Variants in MCUR1 observed in about 807,000 individuals in gnomAD.
MCUR1 encodes MCU regulator 1.
In MCUR1, 37 loss-of-function variants were observed where a neutral mutation model predicts 42.0. The observed-to-expected ratio is 0.88, with a 90% CI of 0.68 to 1.16. The LOEUF (loss-of-function observed/expected upper bound fraction) is 1.16, where lower values mean the gene tolerates loss of function less well. MCUR1 is among the 50% of genes most tolerant of loss of function. The pLI is 0.00. For missense variants in MCUR1, 469 were observed against 468.4 expected, an observed-to-expected ratio of 1.00 and a Z score of -0.01; for synonymous variants, 229 against 196.2, an observed-to-expected ratio of 1.17 and a Z score of -1.40.
intron 1 of MCUR1, among the ~76,000 whole-genome samples, chr6:13,811,341 A>T (rs1760227579): frequency 6.8e-6 from 1 of 147,478 alleles, no homozygotes; most frequent in South Asian, 2.1e-4. Flanking sequence ...GCTAGGAATA[A>T]TTTTTTTTTT....
At chr6:13,798,005 A>C (rs907223242) in intron 6 of MCUR1, among the ~76,000 whole-genome samples, 1 of 152,032 alleles carries the variant, frequency 6.6e-6, no homozygotes, top group African/African-American at 2.4e-5. Flanking sequence ...CCTCGGCAAC[A>C]CACTGAGACT....
At chr6:13,795,312 T>C (rs1759832334) in intron 6 of MCUR1, among the ~76,000 whole-genome samples, 1 of 152,082 alleles carries the variant, frequency 6.6e-6, no homozygotes, top group African/African-American at 2.4e-5. Flanking sequence ...TGTGCACCAC[T>C]AAACCTCAGT....
chr6:13,799,827 C>CTTTTTTTTTTT, intron 5 of MCUR1, among the ~76,000 whole-genome samples: 1 of 96,210 alleles, frequency 1.0e-5, no homozygotes, highest in Non-Finnish European at 2.0e-5. Flanking sequence ...ACACAATTTT[C>CTTTTTTTTTTT]TTTTTTTTTT....
intron 4 of MCUR1, 60 bp downstream of exon 4, chr6:13,801,228 A>G (rs1759980503): frequency 8.9e-7 from 1 of 1,129,162 alleles, no homozygotes; most frequent in Non-Finnish European, 1.3e-6. Context: ...TTATGTGTAT[A>G]TAATTTATCT....
At chr6:13,805,981 C>T (rs566461936) in intron 2 of MCUR1, among the ~76,000 whole-genome samples, 32 of 152,212 alleles carry the variant, frequency 2.1e-4, no homozygotes, top group African/African-American at 7.0e-4. Context: ...GAGGGCTGGG[C>T]GCGGTGGCTC....
At chr6:13,807,214 T>G (rs919212265) in intron 1 of MCUR1, among the ~76,000 whole-genome samples, 170 bp from the exon 2 acceptor site, 1 of 152,230 alleles carries the variant, frequency 6.6e-6, no homozygotes, top group Admixed American at 6.5e-5. Flanking sequence ...GGTTTTGGCA[T>G]AGAGTTGTGC....
chr6:13,805,457 CTTGT>C (rs1760095366), intron 2 of MCUR1, among the ~76,000 whole-genome samples: 1 of 152,104 alleles, frequency 6.6e-6, no homozygotes, highest in African/African-American at 2.4e-5. Flanking sequence ...TGCGTATTAT[CTTGT>C]TTAATATTCA....
chr6:13,788,593 TAGGTA>T lies in MCUR1; in HGVS notation c.*2211_*2215del, dbSNP rs1170163076. 1 of 152,184 alleles carries T rather than the reference TAGGTA, an allele frequency of 6.6e-6. No individual in the cohort carries two copies. The highest frequency in any genetic ancestry group is 1.5e-5 in the Non-Finnish European group (1 of 68,022). 9.4% of individuals were successfully genotyped at this position (152,184 alleles called of 1,614,324 possible). On this transcript the variant is annotated 3_prime_UTR_variant, in exon 9 of 9. Transcript: ENST00000379170. ...TCACTGTTTTTAACCCACACAAGGT[TAGGTA>T]ATGTTTACCTTGAAACATAATCGCA... is the stretch of plus-strand genomic sequence containing the variant.
intron 6 of MCUR1, among the ~76,000 whole-genome samples, chr6:13,798,239 G>A (rs559689105): frequency 2.6e-5 from 4 of 151,250 alleles, no homozygotes; most frequent in South Asian, 4.2e-4. Flanking sequence ...GGGATTACAG[G>A]TGCCCGCCAC....
chr6:13,810,158 G>A (rs377669380), intron 1 of MCUR1, among the ~76,000 whole-genome samples: 4 of 151,732 alleles, frequency 2.6e-5, no homozygotes, highest in Non-Finnish European at 5.9e-5. Context: ...AGCCAAGATC[G>A]CACCACTGCA....
chr6:13,813,810 G>A (rs941222558), intron 1 of MCUR1, among the ~76,000 whole-genome samples: 3 of 152,178 alleles, frequency 2.0e-5, no homozygotes, highest in African/African-American at 7.2e-5. Flanking sequence ...CCAGGAATTC[G>A]TCTCTTCTGG....
At chr6:13,794,806 A>C (rs1407150859) in intron 6 of MCUR1, among the ~76,000 whole-genome samples, 1 of 152,158 alleles carries the variant, frequency 6.6e-6, no homozygotes, top group Non-Finnish European at 1.5e-5. Context: ...CAATAAAAAA[A>C]CCCACTTGGG....
chr6:13,794,596 T>C (rs1759811940), intron 6 of MCUR1, among the ~76,000 whole-genome samples: 1 of 150,464 alleles, frequency 6.6e-6, no homozygotes, highest in Admixed American at 6.6e-5. Flanking sequence ...GATTATAAAA[T>C]ACAATGTAAA....
At chr6:13,807,596 G>C (rs138109563) in intron 1 of MCUR1, among the ~76,000 whole-genome samples, 18 of 152,258 alleles carry the variant, frequency 1.2e-4, no homozygotes, top group African/African-American at 4.3e-4. Context: ...ACTTCTTAGC[G>C]ATTACGAATT....
At position 13,795,454 on chromosome 6, in the gene MCUR1, G is replaced by A. The variant is rs377694620; in HGVS notation, c.856-1507C>T. On this transcript the variant is annotated intron_variant, in intron 6 of 8. Transcript: ENST00000379170. ...AAGTTTATATGCCATACTGCTTTTG[G>A]AACTGGCTGTAAATATCATAGTTAA... 3.5e-4 allele frequency among the ~76,000 whole-genome samples: 53 copies of A among 152,226 alleles called. No homozygotes were observed. The South Asian group carries it at 0.011, about 30-fold the overall frequency.
intron 1 of MCUR1, among the ~76,000 whole-genome samples, chr6:13,812,943 G>A (rs775671189): frequency 2.0e-5 from 3 of 152,040 alleles, no homozygotes; most frequent in Non-Finnish European, 4.4e-5. Flanking sequence ...AAATAGTCAT[G>A]AGCCCCACAA....
chr6:13,813,136 G>C (rs1053410838), intron 1 of MCUR1, among the ~76,000 whole-genome samples: 1 of 152,224 alleles, frequency 6.6e-6, no homozygotes, highest in Non-Finnish European at 1.5e-5. Context: ...GCCTCTACCT[G>C]ATAGTCTAGG....
chr6:13,803,002 T>C (rs1760024145), intron 2 of MCUR1, among the ~76,000 whole-genome samples: 1 of 152,142 alleles, frequency 6.6e-6, no homozygotes, highest in African/African-American at 2.4e-5. Context: ...AGAAAAAATA[T>C]GTTCTTTGGT....
At chr6:13,797,600 C>G (rs998478270) in intron 6 of MCUR1, among the ~76,000 whole-genome samples, 2 of 152,056 alleles carry the variant, frequency 1.3e-5, no homozygotes, top group Non-Finnish European at 2.9e-5. Flanking sequence ...CCCAGCTACT[C>G]TGGAGGCTGA....
Sources: allele counts gnomAD v4.1 joint callset (sites outside exome capture counted in the v4.1 genomes callset), GRCh38; gene constraint gnomAD v4.1.1; transcripts MANE v1.5; gene names NCBI Gene and HGNC (gene_info 2026-07-23, HGNC 2026-07-21).